The following PDE10A variants were observed in gnomAD, a reference collection of about 807,000 sequenced individuals.
PDE10A encodes the protein cAMP and cAMP-inhibited cGMP 3',5'-cyclic phosphodiesterase 10A.
Under a neutral mutation model 97.7 loss-of-function variants are expected in PDE10A, and 39 were observed. That is an observed-to-expected ratio of 0.40 (90% CI 0.31 to 0.52). PDE10A has a LOEUF of 0.52. Among genes scored for constraint, PDE10A ranks in the 20% least tolerant of loss-of-function variants. The pLI is 0.56. For missense variants in PDE10A, 731 were observed against 1,047.8 expected (o/e 0.70, Z 4.17); for synonymous variants, 371 against 376.8 (o/e 0.98, Z 0.18).
intron 1 of PDE10A, among the ~76,000 whole-genome samples, chr6:165,766,453 G>C (rs746049461): frequency 1.3e-5 from 2 of 152,226 alleles, no homozygotes; most frequent in Non-Finnish European, 2.9e-5. Flanking sequence ...CCAAGGTTTA[G>C]TGCCTAATTG....
rs114803885 is a variant in PDE10A, at chr6:165,726,730, C to T, written c.-614-183162G>A. On this transcript the variant is annotated intron_variant, in intron 1 of 19. Coordinates refer to the PDE10A transcript ENST00000366882. The stretch of plus-strand genomic sequence containing the variant: ...TTCCTGGGGCCAAGCCGGCCCTCCC[C>T]GGCCATCTGCGGGCACCGGGAAGAC... 6.9e-3 allele frequency among the ~76,000 whole-genome samples: 1,044 copies of T among 152,342 alleles called. 7 individuals are homozygous for T. Among genetic ancestry groups the T allele is most frequent in the African/African-American group, 0.024 (979 of 41,588 alleles).
intron 1 of PDE10A, among the ~76,000 whole-genome samples, chr6:165,749,876 C>T (rs1232258873): frequency 1.3e-5 from 2 of 152,240 alleles, no homozygotes; most frequent in Non-Finnish European, 1.5e-5. Context: ...TAGCCACTCA[C>T]AGTTCTTGAG....
At chr6:165,925,447 T>C (rs988396849) in intron 1 of PDE10A, among the ~76,000 whole-genome samples, 8 of 152,210 alleles carry the variant, frequency 5.3e-5, no homozygotes, top group Non-Finnish European at 1.0e-4. Context: ...CAAATGTTCA[T>C]AGCAGCATTT....
intron 1 of PDE10A, among the ~76,000 whole-genome samples, chr6:165,548,662 G>C (rs142365390): frequency 9.1e-4 from 139 of 152,268 alleles, no homozygotes; most frequent in Admixed American, 3.0e-3. Context: ...AGCAGCATTA[G>C]TGGCTCTTGA....
At chr6:165,349,496 G>C (rs183378516) in intron 18 of PDE10A, among the ~76,000 whole-genome samples, 3 of 152,348 alleles carry the variant, frequency 2.0e-5, no homozygotes, top group Non-Finnish European at 2.9e-5. Flanking sequence ...AGGGAAAGCA[G>C]AGCATAAAAG....
intron 5 of PDE10A, among the ~76,000 whole-genome samples, chr6:165,442,728 G>C (rs1790562766): frequency 6.6e-6 from 1 of 151,906 alleles, no homozygotes; most frequent in Admixed American, 6.6e-5. Flanking sequence ...TCTACCTCTG[G>C]CCTCTCCCAA....
chr6:165,853,522 A>G (rs986534121), intron 1 of PDE10A, among the ~76,000 whole-genome samples: 1 of 152,182 alleles, frequency 6.6e-6, no homozygotes, highest in Non-Finnish European at 1.5e-5. Context: ...TCCATTCAGG[A>G]TATTATTTTG....
At chr6:165,341,111 G>A (rs1781944639) in intron 19 of PDE10A, among the ~76,000 whole-genome samples, 3 of 152,212 alleles carry the variant, frequency 2.0e-5, no homozygotes, top group African/African-American at 7.2e-5. Flanking sequence ...CTGAAGAGGG[G>A]AAAGATTGTG....
chr6:165,578,260 A>T (rs1458444131), intron 1 of PDE10A, among the ~76,000 whole-genome samples: 4 of 150,092 alleles, frequency 2.7e-5, no homozygotes, highest in Admixed American at 2.0e-4. Flanking sequence ...TTTTGTTTGA[A>T]TTTTTTTTTT....
At chr6:165,539,251 T>C (rs1215552102) in intron 2 of PDE10A, among the ~76,000 whole-genome samples, 2 of 152,316 alleles carry the variant, frequency 1.3e-5, no homozygotes, top group East Asian at 3.9e-4. Flanking sequence ...TAGAATTTTA[T>C]GTATCTGAAA....
intron 1 of PDE10A, among the ~76,000 whole-genome samples, chr6:165,741,212 C>T (rs925269570): frequency 8.2e-4 from 125 of 152,032 alleles, no homozygotes; most frequent in African/African-American, 2.8e-3. Context: ...ACAGTATGTA[C>T]GTATACCAAA....
chr6:165,843,060 G>A (rs567531683), intron 1 of PDE10A, among the ~76,000 whole-genome samples: 1 of 152,220 alleles, frequency 6.6e-6, no homozygotes, highest in Non-Finnish European at 1.5e-5. Flanking sequence ...TACACTGTGA[G>A]GCCCCGCTGT....
At chr6:165,591,771 C>T (rs934248821) in intron 1 of PDE10A, among the ~76,000 whole-genome samples, 1 of 152,094 alleles carries the variant, frequency 6.6e-6, no homozygotes, top group Non-Finnish European at 1.5e-5. Context: ...CCTGACATTG[C>T]CTTGAATGGG....
intron 18 of PDE10A, among the ~76,000 whole-genome samples, chr6:165,346,813 T>C (rs1447487019): frequency 6.6e-6 from 1 of 152,188 alleles, no homozygotes; most frequent in Admixed American, 6.5e-5. Context: ...TTTATAATGA[T>C]TATTTGAAAT....
chr6:165,480,866 C>T (rs921561289), intron 3 of PDE10A, among the ~76,000 whole-genome samples: 6 of 152,172 alleles, frequency 3.9e-5, no homozygotes, highest in East Asian at 3.9e-4. Flanking sequence ...ATACGGGGTA[C>T]GTTTTTTCAA....
At chr6:165,353,767 G>T (rs1338404481) in intron 18 of PDE10A, among the ~76,000 whole-genome samples, 1 of 152,170 alleles carries the variant, frequency 6.6e-6, no homozygotes, top group Admixed American at 6.5e-5. Context: ...GGGATTTTTA[G>T]GGCAGTGGAA....
intron 13 of PDE10A, among the ~76,000 whole-genome samples, chr6:165,412,743 C>A (rs1787968389): frequency 6.6e-6 from 1 of 152,024 alleles, no homozygotes; most frequent in South Asian, 2.1e-4. Context: ...CAGTCCTACT[C>A]CCAAAAAAGC....
At chr6:165,735,566 C>G (rs937530788) in intron 1 of PDE10A, among the ~76,000 whole-genome samples, 1 of 152,060 alleles carries the variant, frequency 6.6e-6, no homozygotes, top group African/African-American at 2.4e-5. Context: ...GAAATGATGT[C>G]CCTGTTTGAG....
chr6:165,346,507 T>A (rs1782318549), intron 18 of PDE10A, among the ~76,000 whole-genome samples: 1 of 152,198 alleles, frequency 6.6e-6, no homozygotes, highest in Non-Finnish European at 1.5e-5. Context: ...GGGGTGCAGA[T>A]ATTCCAACCT....
Sources: gnomAD v4.1 joint callset for allele counts (sites outside exome capture counted in the v4.1 genomes callset) on GRCh38, gnomAD v4.1.1 for gene constraint, MANE v1.5 for transcripts, NCBI Gene and HGNC (gene_info 2026-07-23, HGNC 2026-07-21) for gene names.